The following GLRX variants were observed in gnomAD, a reference collection of about 807,000 sequenced individuals.
GLRX encodes glutaredoxin-1.
GLRX carries 9 observed loss-of-function variants against 11.1 expected under a neutral mutation model. The ratio of observed to expected loss-of-function variants is 0.81; its 90% CI spans 0.49 to 1.42. GLRX has a LOEUF of 1.42. GLRX is among the 40% of genes most tolerant of loss of function. GLRX has a pLI of 0.00. For synonymous variants in GLRX, 49 were observed against 49.5 expected (o/e 0.99, Z 0.04); for missense variants, 102 against 126.2 (o/e 0.81, Z 0.92).
rs759154627 is a variant in GLRX at position 95,816,640 on chromosome 5, C to A, written c.208-14G>T. 1 of 1,201,066 alleles carries A rather than the reference C, an allele frequency of 8.3e-7. No individual in the cohort carries two copies. Among genetic ancestry groups the A allele is most frequent in the South Asian group, 1.2e-5 (1 of 82,900 alleles). 74.4% of individuals were successfully genotyped at this position (1,201,066 alleles called of 1,614,324 possible). A position where few individuals can be genotyped will look rare whatever the true frequency, so the allele number is the denominator to read the frequency against. ...GACTCGAGGCACCTAAAAAAGCACA[C>A]GACCCAGGACATTACTACATTACTA... On this transcript the variant is annotated splice_polypyrimidine_tract_variant and intron_variant, in intron 1 of 2. Transcript: ENST00000237858.
Position 95,813,937 on chromosome 5 carries a change from G to A in GLRX, c.*459C>T, listed in dbSNP as rs536814710. 2.6e-5 allele frequency: 4 copies of A among 152,334 alleles called. No individual in the cohort carries two copies. In the East Asian group the frequency reaches 7.7e-4, roughly 29 times the overall value. The allele number at this position is 152,334 out of a possible 1,614,324, so 9.4% of individuals were successfully genotyped here. ...TGTATTTCGCATAACATTCCTTAAT[G>A]TCTTGAGAACATGCAAATGAATTGG... On this transcript the variant is annotated 3_prime_UTR_variant, in exon 3 of 3. Transcript: ENST00000237858.
intron 1 of GLRX, chr5:95,817,359 A>T (rs1235641171): frequency 6.5e-6 from 1 of 152,704 alleles, no homozygotes; most frequent in Non-Finnish European, 1.5e-5. Context: ...AGGCTGCAGT[A>T]AGCTGTGATG....
chr5:95,817,149 C>T (rs1256071081), intron 1 of GLRX: 1 of 153,804 alleles, frequency 6.5e-6, no homozygotes, highest in Non-Finnish European at 1.4e-5. Flanking sequence ...CACAGTGGCT[C>T]ATGAATGTAA....
At chr5:95,822,059 G>A (rs1252514484) in intron 1 of GLRX, among the ~76,000 whole-genome samples, 2 of 152,214 alleles carry the variant, frequency 1.3e-5, no homozygotes, top group African/African-American at 4.8e-5. Flanking sequence ...TGAATCTCAT[G>A]TTAAATAACA....
At chr5:95,819,206 G>A (rs1747123211) in intron 1 of GLRX, 1 of 152,176 alleles carries the variant, frequency 6.6e-6, no homozygotes, top group Non-Finnish European at 1.5e-5. Flanking sequence ...GGCAGAAAAG[G>A]CAGAATTTTT....
At chr5:95,816,789 T>A (rs955688) in intron 1 of GLRX, 163 bp from the exon 2 acceptor site, 172,043 of 531,330 alleles carry the variant, frequency 0.32, 30,803 homozygotes, top group Middle Eastern at 0.39. Flanking sequence ...TTATAAGGGG[T>A]AACATTATTA....
At chr5:95,820,691 CAAA>C (rs60659232) in intron 1 of GLRX, among the ~76,000 whole-genome samples, 4 of 106,234 alleles carry the variant, frequency 3.8e-5, no homozygotes, top group African/African-American at 3.9e-5. Flanking sequence ...AATTCCATCT[CAAA>C]AAAAAAAAAA....
intron 2 of GLRX, among the ~76,000 whole-genome samples, chr5:95,815,236 T>C (rs1303694785): frequency 6.6e-6 from 1 of 150,450 alleles, no homozygotes; most frequent in Non-Finnish European, 1.5e-5. Context: ...AAGCCTAAAT[T>C]GCTAAACATG....
At chr5:95,816,088 T>A (rs1173444844) in intron 2 of GLRX, among the ~76,000 whole-genome samples, 1 of 152,184 alleles carries the variant, frequency 6.6e-6, no homozygotes, top group Non-Finnish European at 1.5e-5. Context: ...TAACCAGGTC[T>A]CAGCTCAACC....
chr5:95,820,931 C>T (rs1747210798), intron 1 of GLRX, among the ~76,000 whole-genome samples: 1 of 152,084 alleles, frequency 6.6e-6, no homozygotes, highest in Non-Finnish European at 1.5e-5. Flanking sequence ...GCCTGGCCAA[C>T]ATGGTGAAAC....
chr5:95,822,696 T>C lies in GLRX; in HGVS notation c.-34A>G, dbSNP rs1747297432. On this transcript the variant is annotated 5_prime_UTR_variant, in exon 1 of 3. Coordinates refer to ENST00000237858, the MANE Select transcript of GLRX (RefSeq NM_001118890.2). ...GCTGCGGTCTCCCCGGGAAGAATCC[T>C]CAGTTGCAGGTATTGCTTGGGGTAT... is the stretch of plus-strand genomic sequence containing the variant. 2 of 1,578,804 alleles carry C rather than the reference T, an allele frequency of 1.3e-6. No individual in the cohort carries two copies. The highest frequency in any genetic ancestry group is 2.7e-5 in the African/African-American group (2 of 74,272).
rs1489181462 is a variant in GLRX, at chr5:95,815,125, G to A, written c.*7-736C>T. ...AGAACACTGAAGGAAAAGGCCAAATGCAAATAAGGAGACTTTCTGAATATG... is the reference window on the plus strand; with the variant it reads ...AGAACACTGAAGGAAAAGGCCAAATACAAATAAGGAGACTTTCTGAATATG... On this transcript the variant is annotated intron_variant, in intron 2 of 2. Transcript: ENST00000237858. Among the ~76,000 whole-genome samples, 5 of 152,216 alleles carry A rather than the reference G, an allele frequency of 3.3e-5. No individual in the cohort carries two copies. The East Asian group carries it at 9.6e-4, about 29-fold the overall frequency.
Position 95,813,946 on chromosome 5 carries a change from A to G in GLRX, c.*450T>C, listed in dbSNP as rs1195216702. 1.3e-5 allele frequency: 2 copies of G among 152,256 alleles called. No homozygotes were observed. The highest frequency in any genetic ancestry group is 2.9e-5 in the Non-Finnish European group (2 of 68,044). 9.4% of individuals were successfully genotyped at this position (152,256 alleles called of 1,614,324 possible). A position where few individuals can be genotyped will look rare whatever the true frequency, so the allele number is the denominator to read the frequency against. ...CATAACATTCCTTAATGTCTTGAGA[A>G]CATGCAAATGAATTGGACAAAAATC... On this transcript the variant is annotated 3_prime_UTR_variant, in exon 3 of 3. Coordinates refer to ENST00000237858, the MANE Select transcript of GLRX (RefSeq NM_001118890.2).
At chr5:95,821,930 A>G (rs1398951750) in intron 1 of GLRX, among the ~76,000 whole-genome samples, 1 of 152,186 alleles carries the variant, frequency 6.6e-6, no homozygotes, top group Non-Finnish European at 1.5e-5. Flanking sequence ...GGAAACATCC[A>G]TAATTAATTT....
chr5:95,822,454 ACCGT>A lies in GLRX; in HGVS notation c.205_207+1del. On this transcript the variant is annotated splice_donor_variant and coding_sequence_variant, in exon 1 of 3. Coordinates refer to ENST00000237858, the MANE Select transcript of GLRX (RefSeq NM_001118890.2). LOFTEE classifies it high-confidence loss of function. ...TCCCTAGCCGTTTAAAATGAAACTCACCGTTCTTGCTCCCGTGAGCTGTTGCAAA... is the reference window on the plus strand; with the variant it reads ...TCCCTAGCCGTTTAAAATGAAACTCATCTTGCTCCCGTGAGCTGTTGCAAA... 6.2e-7 allele frequency: 1 copy of A among 1,610,594 alleles called. No individual in the cohort carries two copies. The highest frequency in any genetic ancestry group is 8.5e-7 in the Non-Finnish European group (1 of 1,176,906).
chr5:95,816,850 T>C, intron 1 of GLRX: 1 of 392,150 alleles, frequency 2.6e-6, no homozygotes, highest in Non-Finnish European at 4.7e-6. Flanking sequence ...GTGCTATGCA[T>C]GAGCTTGTCC....
chr5:95,822,623 T>C lies in GLRX; in HGVS notation c.40A>G (p.Lys14Glu), dbSNP rs138883493. ...EFVNCKIQPG[K>E]VVVFIKPTCP... is the part of the protein sequence containing the mutation. ...GTGGGCTTGATGAACACAACCACCT[T>C]CCCAGGCTGGATTTTGCAGTTCACA... The change falls in exon 1 of 3, where the codon AAG becomes GAG. Residue 14 changes from lysine (K) to glutamate (E), a missense_variant. Lys to Glu is a moderately conservative substitution (Grantham distance 56). Coordinates refer to ENST00000237858, the MANE Select transcript of GLRX (RefSeq NM_001118890.2). 9 of 1,613,760 alleles carry C rather than the reference T, an allele frequency of 5.6e-6. No individual in the cohort carries two copies. Among genetic ancestry groups the C allele is most frequent in the Non-Finnish European group, 7.6e-6 (9 of 1,179,846 alleles).
intron 2 of GLRX, chr5:95,814,855 AG>A (rs1746927001): frequency 6.3e-6 from 1 of 157,698 alleles, no homozygotes; most frequent in African/African-American, 2.4e-5. Flanking sequence ...GAGCCAAAAG[AG>A]GAAAAAAGCT....
At chr5:95,822,149 TAAAAC>T (rs1429011441) in intron 1 of GLRX, 2 of 397,142 alleles carry the variant, frequency 5.0e-6, no homozygotes. Context: ...TGGCAGTGCT[TAAAAC>T]AAAGACTCTA....
Sources: gnomAD v4.1 joint callset for allele counts (sites outside exome capture counted in the v4.1 genomes callset) on GRCh38, gnomAD v4.1.1 for gene constraint, MANE v1.5 for transcripts, NCBI Gene and HGNC (gene_info 2026-07-23, HGNC 2026-07-21) for gene names.